The following RTRAF variants were observed in gnomAD, a reference collection of about 807,000 sequenced individuals.
RTRAF encodes tRNA-splicing ligase complex subunit RTRAF.
In RTRAF, 14 loss-of-function variants were observed where a neutral mutation model predicts 34.4. The ratio of observed to expected loss-of-function variants is 0.41; its 90% CI spans 0.27 to 0.64. The LOEUF is 0.64. Among genes scored for constraint, RTRAF ranks in the 30% least tolerant of loss-of-function variants. The probability of loss-of-function intolerance (pLI) is 0.34; values close to 1 mark genes in which losing one functional copy is unlikely to be tolerated. For missense variants in RTRAF, 291 were observed against 288.4 expected (o/e 1.01, Z -0.06); for synonymous variants, 96 against 95.3 (o/e 1.01, Z -0.04).
intron 3 of RTRAF, among the ~76,000 whole-genome samples, chr14:51,995,406 C>T (rs1320696895): frequency 6.6e-6 from 1 of 152,094 alleles, no homozygotes; most frequent in Non-Finnish European, 1.5e-5. Context: ...TTATCTGATT[C>T]TGCTTCCATT....
chr14:52,003,942 T>TACA (rs1337807467), intron 6 of RTRAF: 4 of 486,764 alleles, frequency 8.2e-6, no homozygotes, highest in African/African-American at 7.9e-5. Flanking sequence ...ATGCCTGGGC[T>TACA]AAAGGATTGG....
chr14:52,004,407 TAGA>T lies in RTRAF; in HGVS notation c.627_629del (p.Ile209_Glu210delinsMet). On this transcript the variant is annotated inframe_deletion, in exon 8 of 8. Transcript: ENST00000261700. ...GCTCAAATTCTGCGATTGCTGCACA[TAGA>T]GGAGCTCAGAGAGCTACAGACAAAA... is the stretch of plus-strand genomic sequence containing the variant. 1 of 1,613,934 alleles carries T rather than the reference TAGA, an allele frequency of 6.2e-7. No individual in the cohort carries two copies. The highest frequency in any genetic ancestry group is 8.5e-7 in the Non-Finnish European group (1 of 1,179,896).
rs566048994 is a variant in RTRAF at position 51,994,914 on chromosome 14, A to G, written c.286+1092A>G. ...CTTTGTTCACACTTTTCCCTTGGCT[A>G]ATATACCATTTCATTCTATCTACAC... On this transcript the variant is annotated intron_variant, in intron 3 of 7. Transcript: ENST00000261700. Among the ~76,000 whole-genome samples the G allele has an allele frequency of 2.0e-5, 3 of 151,610 alleles. No individual in the cohort carries two copies. The South Asian group carries it at 6.3e-4, about 32-fold the overall frequency.
At position 52,005,986 on chromosome 14, in the gene RTRAF, A is replaced by ACTGAAGTTTGAAGACCATT. The variant is rs1890764065; in HGVS notation, c.*1471_*1489dup. ...GTCCCAGGGCTGGTGCTAAAGCCAT[A>ACTGAAGTTTGAAGACCATT]CTGAAGTTTGAAGACCATTGCTCTA... is the stretch of plus-strand genomic sequence containing the variant. On this transcript the variant is annotated 3_prime_UTR_variant, in exon 8 of 8. Transcript: ENST00000261700. 1 of 650,884 alleles carries ACTGAAGTTTGAAGACCATT rather than the reference A, an allele frequency of 1.5e-6. No individual in the cohort carries two copies. Among genetic ancestry groups the ACTGAAGTTTGAAGACCATT allele is most frequent in the African/African-American group, 1.8e-5 (1 of 55,616 alleles). The allele number at this position is 650,884 out of a possible 1,614,324, so 40.3% of individuals were successfully genotyped here.
intron 3 of RTRAF, among the ~76,000 whole-genome samples, chr14:51,996,800 TTC>T (rs1479024741): frequency 2.0e-5 from 3 of 151,988 alleles, no homozygotes; most frequent in Non-Finnish European, 4.4e-5. Flanking sequence ...AACCCCCCAC[TTC>T]TCTCGAAAGA....
At chr14:51,990,245 G>T (rs1890408357) in intron 1 of RTRAF, among the ~76,000 whole-genome samples, 1 of 152,216 alleles carries the variant, frequency 6.6e-6, no homozygotes, top group Non-Finnish European at 1.5e-5. Flanking sequence ...GGCTAGTTGT[G>T]TTATGTGGTG....
chr14:52,005,484 A>G lies in RTRAF; in HGVS notation c.*968A>G, dbSNP rs750919588. The G allele has an allele frequency of 5.0e-6, 8 of 1,597,484 alleles. No homozygotes were observed. The highest frequency in any genetic ancestry group is 6.8e-6 in the Non-Finnish European group (8 of 1,173,786). On this transcript the variant is annotated 3_prime_UTR_variant, in exon 8 of 8. Transcript: ENST00000261700. ...TCCAAGTCTTCCTTTACATTACTGT[A>G]CTTACTTTCTTCCTGTGAGAGAAGA...
Position 52,006,459 on chromosome 14 carries a change from T to A in RTRAF, c.*1943T>A. ...GGGCTTAATGAGTCAAGTCAGGTAC[T>A]GACTTTTGGTAAAACAAGTGGTGTG... On this transcript the variant is annotated 3_prime_UTR_variant, in exon 8 of 8. Transcript: ENST00000261700. 6.4e-7 allele frequency: 1 copy of A among 1,564,242 alleles called. No homozygotes were observed. Among genetic ancestry groups the A allele is most frequent in the Non-Finnish European group, 8.7e-7 (1 of 1,147,336 alleles).
intron 6 of RTRAF, among the ~76,000 whole-genome samples, chr14:52,003,740 C>A (rs559049887): frequency 2.6e-5 from 4 of 152,156 alleles, no homozygotes; most frequent in Non-Finnish European, 5.9e-5. Context: ...TTGGCAAACA[C>A]CATGCTGGCT....
chr14:52,002,655 GGA>G lies in RTRAF; in HGVS notation c.531+794_531+795del, dbSNP rs1890618431. Among the ~76,000 whole-genome samples, 8 of 152,338 alleles carry G rather than the reference GGA, an allele frequency of 5.3e-5. No individual in the cohort carries two copies. In the South Asian group the frequency reaches 1.4e-3, roughly 28 times the overall value. On this transcript the variant is annotated intron_variant, in intron 6 of 7. Transcript: ENST00000261700. Reference sequence around the variant, plus strand: ...AAAGTTTCACTGGCTGTGCAGCGGTGGAGAGACTGTCCTCAGGTCAGCAGCAG... The same window carrying G: ...AAAGTTTCACTGGCTGTGCAGCGGTGGAGACTGTCCTCAGGTCAGCAGCAG...
At chr14:51,993,562 G>A (rs1257472900) in intron 2 of RTRAF, among the ~76,000 whole-genome samples, 161 bp from the exon 3 acceptor site, 1 of 152,052 alleles carries the variant, frequency 6.6e-6, no homozygotes, top group Non-Finnish European at 1.5e-5. Flanking sequence ...ACACTTAAAT[G>A]TTCCCTTCTG....
In RTRAF at chr14:52,005,349, C is replaced by G; in HGVS notation, c.*833C>G. On this transcript the variant is annotated 3_prime_UTR_variant, in exon 8 of 8. Transcript: ENST00000261700. ...AGCTTTTCACAAAAGTCTTTTTGCA[C>G]TACAAAATGTTCATCTTGGATGCTC... 1 of 747,548 alleles carries G rather than the reference C, an allele frequency of 1.3e-6. No homozygotes were observed. The highest frequency in any genetic ancestry group is 2.0e-6 in the Non-Finnish European group (1 of 503,632). 46.3% of individuals were successfully genotyped at this position (747,548 alleles called of 1,614,324 possible). A position where few individuals can be genotyped will look rare whatever the true frequency, so the allele number is the denominator to read the frequency against.
chr14:51,990,420 A>T (rs1467662399), intron 1 of RTRAF, among the ~76,000 whole-genome samples: 1 of 152,214 alleles, frequency 6.6e-6, no homozygotes. Context: ...GTGGCCTGTG[A>T]TAGACTGGTA....
rs1372796029 is a variant in RTRAF, at chr14:51,991,425, C to T, written c.170C>T (p.Pro57Leu). Reference sequence around the variant, plus strand: ...AGAAACATCCACAGCAGCGACTGGCCCAAGTTCTTTGAAAAGGTAATGAAT... The same window carrying T: ...AGAAACATCCACAGCAGCGACTGGCTCAAGTTCTTTGAAAAGGTAATGAAT... ...NLRNIHSSDWPKFFEKYLRDV... is the reference protein window; with the variant it reads ...NLRNIHSSDWLKFFEKYLRDV... The change falls in exon 2 of 8, where the codon CCC becomes CTC. Residue 57 changes from proline (P) to leucine (L), a missense_variant. Pro to Leu is a moderately conservative substitution (Grantham distance 98). Transcript: ENST00000261700. The T allele has an allele frequency of 6.2e-7, 1 of 1,612,210 alleles. No individual in the cohort carries two copies. The highest frequency in any genetic ancestry group is 1.7e-5 in the Admixed American group (1 of 59,772).
rs778613016 is a variant in RTRAF, at chr14:52,009,075, G to T, written c.*4559G>T. 6.6e-6 allele frequency: 1 copy of T among 152,154 alleles called. No homozygotes were observed. The highest frequency in any genetic ancestry group is 2.4e-5 in the African/African-American group (1 of 41,422). 9.4% of individuals were successfully genotyped at this position (152,154 alleles called of 1,614,324 possible). ...AGCTATAGAAGCTTTGAATAAATCA[G>T]TTGGGCTACAGAGAACCTCAGTGAG... On this transcript the variant is annotated 3_prime_UTR_variant, in exon 8 of 8. Coordinates refer to ENST00000261700, the MANE Select transcript of RTRAF (RefSeq NM_016039.3).
In RTRAF at chr14:52,005,241, C is replaced by T. The variant is rs779277082; in HGVS notation, c.*725C>T. On this transcript the variant is annotated 3_prime_UTR_variant, in exon 8 of 8. Coordinates refer to ENST00000261700, the MANE Select transcript of RTRAF (RefSeq NM_016039.3). ...GTTTACAAGAAGTTGCTTTAATAAG[C>T]AACAGTTAAAATTCTGTTACCTTTT... The T allele has an allele frequency of 4.0e-4, 148 of 373,230 alleles. 2 individuals are homozygous for T. Among genetic ancestry groups the T allele is most frequent in the Middle Eastern group, 7.0e-4 (1 of 1,420 alleles). The allele number at this position is 373,230 out of a possible 1,614,324, so 23.1% of individuals were successfully genotyped here.
chr14:51,998,460 G>C lies in RTRAF; in HGVS notation c.287-34G>C, dbSNP rs371686137. On this transcript the variant is annotated intron_variant, in intron 3 of 7. Transcript: ENST00000261700. ...AGTAGTCATTTTACCTTGAGTTGCAGTTGTACAAATTATATTTTTGCCTGT... is the reference window on the plus strand; with the variant it reads ...AGTAGTCATTTTACCTTGAGTTGCACTTGTACAAATTATATTTTTGCCTGT... The C allele has an allele frequency of 3.3e-5, 44 of 1,322,336 alleles. No individual in the cohort carries two copies. In the African/African-American group the frequency reaches 6.5e-4, roughly 20 times the overall value. 81.9% of individuals were successfully genotyped at this position (1,322,336 alleles called of 1,614,324 possible).
chr14:52,007,775 G>C lies in RTRAF; in HGVS notation c.*3259G>C, dbSNP rs1566738786. On this transcript the variant is annotated 3_prime_UTR_variant, in exon 8 of 8. Transcript: ENST00000261700. Reference sequence around the variant, plus strand: ...TTAGTGCTCACATTCACTGTGATGAGAGGTTATCTATTTGCATTCCATCAG... The same window carrying C: ...TTAGTGCTCACATTCACTGTGATGACAGGTTATCTATTTGCATTCCATCAG... The C allele has an allele frequency of 6.4e-7, 1 of 1,574,742 alleles. No homozygotes were observed. Among genetic ancestry groups the C allele is most frequent in the Admixed American group, 1.7e-5 (1 of 58,092 alleles).
In RTRAF at chr14:52,006,269, T is replaced by G; in HGVS notation, c.*1753T>G. The G allele has an allele frequency of 2.3e-6, 1 of 431,606 alleles. No homozygotes were observed. Among genetic ancestry groups the G allele is most frequent in the Non-Finnish European group, 4.2e-6 (1 of 235,954 alleles). The allele number at this position is 431,606 out of a possible 1,614,324, so 26.7% of individuals were successfully genotyped here. ...CATATTTAGATTAATATGCTCCCTT[T>G]TGAGACATTATCCAATAGCTTTGCT... On this transcript the variant is annotated 3_prime_UTR_variant, in exon 8 of 8. Coordinates refer to ENST00000261700, the MANE Select transcript of RTRAF (RefSeq NM_016039.3).
Sources: gnomAD v4.1 joint callset for allele counts (sites outside exome capture counted in the v4.1 genomes callset) on GRCh38, gnomAD v4.1.1 for gene constraint, MANE v1.5 for transcripts, NCBI Gene and HGNC (gene_info 2026-07-23, HGNC 2026-07-21) for gene names.